ARHGAP15: variants seen among roughly 807,000 people sequenced by gnomAD.
ARHGAP15 encodes Rho GTPase activating protein 15, also known as rho GTPase-activating protein 15.
Under a neutral mutation model 63.7 loss-of-function variants are expected in ARHGAP15, and 51 were observed. The observed-to-expected ratio is 0.80, with a 90% CI of 0.64 to 1.01. ARHGAP15 has a LOEUF of 1.01. ARHGAP15 is among the 50% of genes least tolerant of loss of function. The pLI is 0.00. For missense variants in ARHGAP15, 560 were observed against 564.6 expected, an observed-to-expected ratio of 0.99 and a Z score of 0.08; for synonymous variants, 191 against 193.8, an observed-to-expected ratio of 0.99 and a Z score of 0.12.
At chr2:143,231,081 T>C (rs1228508683) in intron 5 of ARHGAP15, among the ~76,000 whole-genome samples, 1 of 150,530 alleles carries the variant, frequency 6.6e-6, no homozygotes, top group Non-Finnish European at 1.5e-5. Context: ...TTTTTTTTTT[T>C]TTTTTTTACC....
chr2:143,382,381 T>G (rs1279969920), intron 6 of ARHGAP15, among the ~76,000 whole-genome samples: 1 of 152,174 alleles, frequency 6.6e-6, no homozygotes, highest in Non-Finnish European at 1.5e-5. Flanking sequence ...TGCCAATCTT[T>G]GACAGTCCTT....
chr2:143,452,394 G>A (rs11894786), intron 8 of ARHGAP15, among the ~76,000 whole-genome samples: 14,467 of 151,918 alleles, frequency 0.095, 865 homozygotes, highest in African/African-American at 0.17. Context: ...GTTGGATAAT[G>A]CATTTCATTT....
chr2:143,192,825 G>A (rs746433817), intron 2 of ARHGAP15, among the ~76,000 whole-genome samples: 2 of 152,168 alleles, frequency 1.3e-5, no homozygotes, highest in African/African-American at 4.8e-5. Flanking sequence ...TTTAATGCAA[G>A]GCAAATGATT....
At chr2:143,505,179 C>A (rs1449710390) in intron 9 of ARHGAP15, among the ~76,000 whole-genome samples, 2 of 152,200 alleles carry the variant, frequency 1.3e-5, no homozygotes, top group South Asian at 4.1e-4. Flanking sequence ...AATATCAGCT[C>A]TTGCAAGTAA....
intron 6 of ARHGAP15, among the ~76,000 whole-genome samples, chr2:143,418,205 T>A (rs921403867): frequency 1.3e-5 from 2 of 152,180 alleles, no homozygotes; most frequent in Non-Finnish European, 2.9e-5. Context: ...GTGGCCTCAC[T>A]GGAGTCATCA....
intron 4 of ARHGAP15, among the ~76,000 whole-genome samples, chr2:143,222,384 A>G (rs570148808): frequency 2.0e-5 from 3 of 152,210 alleles, no homozygotes; most frequent in Non-Finnish European, 2.9e-5. Context: ...AACCTCACAT[A>G]TATTTTCTTC....
At chr2:143,250,670 T>C in intron 6 of ARHGAP15, 70 bp downstream of exon 6, 1 of 1,259,456 alleles carries the variant, frequency 7.9e-7, no homozygotes, top group Non-Finnish European at 1.1e-6. Context: ...GTAACTAAAA[T>C]AAGACTACCT....
chr2:143,474,651 T>C (rs1691728613), intron 8 of ARHGAP15, among the ~76,000 whole-genome samples: 1 of 152,238 alleles, frequency 6.6e-6, no homozygotes. Flanking sequence ...GATTGAACCT[T>C]TATTTCTTAC....
intron 13 of ARHGAP15, among the ~76,000 whole-genome samples, chr2:143,763,342 G>A (rs995325457): frequency 6.6e-6 from 1 of 152,076 alleles, no homozygotes; most frequent in Non-Finnish European, 1.5e-5. Flanking sequence ...TTTGAATCAT[G>A]ACATTTATAA....
At chr2:143,291,280 C>T (rs1419959827) in intron 6 of ARHGAP15, among the ~76,000 whole-genome samples, 1 of 152,006 alleles carries the variant, frequency 6.6e-6, no homozygotes, top group Non-Finnish European at 1.5e-5. Context: ...TTGGGGGGTA[C>T]TTGGGGATGA....
rs143060973 is a variant in ARHGAP15 at position 143,565,527 on chromosome 2, T to A, written c.1003+9042T>A. 3.5e-3 allele frequency among the ~76,000 whole-genome samples: 535 copies of A among 152,334 alleles called. 7 individuals are homozygous for A. The highest frequency in any genetic ancestry group is 0.013 in the African/African-American group (521 of 41,582). The stretch of plus-strand genomic sequence containing the variant: ...TATATAAAATAACTTCATTGGTACA[T>A]TATGTTAGGTTCCATTTTCTCAGCA... On this transcript the variant is annotated intron_variant, in intron 11 of 13. Transcript: ENST00000295095.
chr2:143,338,975 A>G (rs1048381533), intron 6 of ARHGAP15, among the ~76,000 whole-genome samples: 2 of 152,164 alleles, frequency 1.3e-5, no homozygotes, highest in Non-Finnish European at 2.9e-5. Context: ...ATAATAGAAA[A>G]CCAAGAAAGA....
intron 13 of ARHGAP15, among the ~76,000 whole-genome samples, chr2:143,716,181 G>GA (rs1177533575): frequency 6.6e-6 from 1 of 152,010 alleles, no homozygotes; most frequent in African/African-American, 2.4e-5. Flanking sequence ...TTAAAGGCTG[G>GA]AAAAAAGAGA....
At chr2:143,543,403 T>C (rs924809450) in intron 10 of ARHGAP15, among the ~76,000 whole-genome samples, 2 of 152,140 alleles carry the variant, frequency 1.3e-5, no homozygotes, top group Admixed American at 1.3e-4. Flanking sequence ...GGTTGTTTTT[T>C]GGTTGTTTGG....
At chr2:143,346,825 A>G (rs1277649126) in intron 6 of ARHGAP15, among the ~76,000 whole-genome samples, 1 of 152,000 alleles carries the variant, frequency 6.6e-6, no homozygotes, top group Non-Finnish European at 1.5e-5. Flanking sequence ...AAAGAGATAA[A>G]TTAAATGGGT....
chr2:143,309,840 T>C (rs1312388648), intron 6 of ARHGAP15, among the ~76,000 whole-genome samples: 2 of 149,938 alleles, frequency 1.3e-5, no homozygotes, highest in Non-Finnish European at 3.0e-5. Context: ...TTAGACCCCA[T>C]TTGAGAAACA....
intron 12 of ARHGAP15, among the ~76,000 whole-genome samples, chr2:143,669,047 C>A (rs187018429): frequency 1.1e-4 from 17 of 152,238 alleles, no homozygotes; most frequent in Admixed American, 8.5e-4. Flanking sequence ...GCCTCAGACC[C>A]CTGAGCTTAA....
At chr2:143,464,858 A>G (rs1335800902) in intron 8 of ARHGAP15, among the ~76,000 whole-genome samples, 1 of 152,162 alleles carries the variant, frequency 6.6e-6, no homozygotes, top group Non-Finnish European at 1.5e-5. Flanking sequence ...TTTTTATTGG[A>G]AAATTTTGCT....
At chr2:143,340,112 A>C (rs1173485639) in intron 6 of ARHGAP15, among the ~76,000 whole-genome samples, 2 of 152,160 alleles carry the variant, frequency 1.3e-5, no homozygotes, top group African/African-American at 4.8e-5. Flanking sequence ...AAAGACAAAA[A>C]AATAGGACTA....
Sources: allele counts gnomAD v4.1 joint callset (sites outside exome capture counted in the v4.1 genomes callset), GRCh38; gene constraint gnomAD v4.1.1; transcripts MANE v1.5; gene names NCBI Gene and HGNC (gene_info 2026-07-23, HGNC 2026-07-21).